The following CSMD1 variants were observed in gnomAD, a reference collection of about 807,000 sequenced individuals.
CSMD1 encodes CUB and sushi domain-containing protein 1.
CSMD1 carries 213 observed loss-of-function variants against 417.5 expected under a neutral mutation model. That is an observed-to-expected ratio of 0.51 (90% CI 0.46 to 0.57). The LOEUF (loss-of-function observed/expected upper bound fraction) is 0.57, where lower values mean the gene tolerates loss of function less well. CSMD1 is among the 20% of genes least tolerant of loss of function. The probability of loss-of-function intolerance (pLI) is 0.00; values close to 1 mark genes in which losing one functional copy is unlikely to be tolerated. For synonymous variants in CSMD1, 2,862 were observed against 1,736.8 expected (o/e 1.65, Z -16.11); for missense variants, 6,923 against 4,529.7 (o/e 1.53, Z -15.17).
At chr8:4,317,052 A>G (rs777107143) in intron 3 of CSMD1, among the ~76,000 whole-genome samples, 1 of 152,192 alleles carries the variant, frequency 6.6e-6, no homozygotes, top group Non-Finnish European at 1.5e-5. Context: ...CTGAAAACAT[A>G]CAAGCCCTGT....
intron 3 of CSMD1, among the ~76,000 whole-genome samples, chr8:4,369,113 T>G (rs1802257367): frequency 6.6e-6 from 1 of 152,100 alleles, no homozygotes; most frequent in South Asian, 2.1e-4. Flanking sequence ...TAACACTGAT[T>G]TAGCTGTTTC....
chr8:3,314,327 T>C (rs1245588841), intron 23 of CSMD1, among the ~76,000 whole-genome samples: 1 of 152,198 alleles, frequency 6.6e-6, no homozygotes, highest in East Asian at 1.9e-4. Context: ...ATAGAGATAT[T>C]TCCATTTTAA....
At chr8:2,970,300 A>G (rs1473235225) in intron 57 of CSMD1, among the ~76,000 whole-genome samples, 2 of 152,296 alleles carry the variant, frequency 1.3e-5, no homozygotes, top group African/African-American at 4.8e-5. Context: ...AAGTTTTCAA[A>G]ACTGAAATAC....
At chr8:3,662,376 C>G (rs1468879766) in intron 7 of CSMD1, among the ~76,000 whole-genome samples, 1 of 152,210 alleles carries the variant, frequency 6.6e-6, no homozygotes, top group Non-Finnish European at 1.5e-5. Flanking sequence ...CTTTCCATCT[C>G]TCCCTAACTT....
At chr8:4,256,101 A>G (rs901716907) in intron 3 of CSMD1, among the ~76,000 whole-genome samples, 4 of 152,212 alleles carry the variant, frequency 2.6e-5, no homozygotes, top group African/African-American at 9.7e-5. Flanking sequence ...ATCCCAGACT[A>G]CTTTGCTCCC....
At chr8:4,758,441 A>G (rs1811812916) in intron 1 of CSMD1, among the ~76,000 whole-genome samples, 1 of 152,190 alleles carries the variant, frequency 6.6e-6, no homozygotes, top group Non-Finnish European at 1.5e-5. Flanking sequence ...TAAAGGTGAC[A>G]TAAAGGAAGC....
At chr8:3,411,838 G>A (rs562677064) in intron 12 of CSMD1, among the ~76,000 whole-genome samples, 1 of 87,360 alleles carries the variant, frequency 1.1e-5, no homozygotes, top group South Asian at 3.6e-4. Flanking sequence ...ATATATGCAC[G>A]TATATATGCA....
At chr8:4,436,495 G>T (rs572321327) in intron 2 of CSMD1, among the ~76,000 whole-genome samples, 2 of 152,036 alleles carry the variant, frequency 1.3e-5, no homozygotes, top group African/African-American at 2.4e-5. Flanking sequence ...AGGTTGAGGG[G>T]TATCTCTCCT....
At chr8:4,454,905 G>A (rs777876649) in intron 2 of CSMD1, among the ~76,000 whole-genome samples, 3 of 152,106 alleles carry the variant, frequency 2.0e-5, no homozygotes, top group Non-Finnish European at 4.4e-5. Context: ...TACAGAAACT[G>A]AAGTCTTACA....
At chr8:3,991,524 C>T (rs541892843) in intron 5 of CSMD1, among the ~76,000 whole-genome samples, 19 of 152,272 alleles carry the variant, frequency 1.2e-4, no homozygotes, top group African/African-American at 3.9e-4. Context: ...AGCAAGTATG[C>T]TAAGATGATT....
At chr8:4,511,929 T>G (rs757054168) in intron 2 of CSMD1, among the ~76,000 whole-genome samples, 47 of 152,158 alleles carry the variant, frequency 3.1e-4, no homozygotes, top group Non-Finnish European at 5.6e-4. Context: ...CATTTCATTC[T>G]TCCTAACAAG....
chr8:3,909,912 G>A (rs994701780), intron 5 of CSMD1, among the ~76,000 whole-genome samples: 1 of 152,198 alleles, frequency 6.6e-6, no homozygotes, highest in African/African-American at 2.4e-5. Context: ...TATTAAAGCT[G>A]CTTGGACTCT....
chr8:3,586,351 G>A (rs985043118), intron 8 of CSMD1, 91 bp from the exon 9 acceptor site: 18 of 1,274,484 alleles, frequency 1.4e-5, no homozygotes, highest in African/African-American at 1.2e-4. Context: ...TGGCTGCTAC[G>A]ATCTTGTTCA....
At chr8:4,929,420 G>C (rs1026813036) in intron 1 of CSMD1, among the ~76,000 whole-genome samples, 2 of 152,146 alleles carry the variant, frequency 1.3e-5, no homozygotes, top group African/African-American at 4.8e-5. Context: ...TCAAGAAATA[G>C]GCATTTCTAT....
chr8:3,640,700 T>G (rs1797262833), intron 7 of CSMD1, among the ~76,000 whole-genome samples: 1 of 152,218 alleles, frequency 6.6e-6, no homozygotes, highest in African/African-American at 2.4e-5. Flanking sequence ...AGTGTGTGTC[T>G]ATAAACCAGT....
intron 12 of CSMD1, among the ~76,000 whole-genome samples, chr8:3,441,915 C>G (rs1263108139): frequency 6.6e-6 from 1 of 151,968 alleles, no homozygotes; most frequent in Non-Finnish European, 1.5e-5. Flanking sequence ...GCATTGAGAT[C>G]ACTGAACATG....
intron 3 of CSMD1, among the ~76,000 whole-genome samples, chr8:4,249,918 G>C (rs1260474560): frequency 6.6e-6 from 1 of 152,136 alleles, no homozygotes; most frequent in Non-Finnish European, 1.5e-5. Flanking sequence ...GGAGCTCCTG[G>C]GAAGTGTTTA....
chr8:4,926,523 G>A (rs1246669384), intron 1 of CSMD1, among the ~76,000 whole-genome samples: 1 of 152,072 alleles, frequency 6.6e-6, no homozygotes, highest in Non-Finnish European at 1.5e-5. Context: ...TATCTTATTT[G>A]TTTTTAATTA....
intron 7 of CSMD1, among the ~76,000 whole-genome samples, chr8:3,651,114 A>G (rs533312220): frequency 6.6e-6 from 1 of 152,220 alleles, no homozygotes; most frequent in Non-Finnish European, 1.5e-5. Flanking sequence ...ACCATCTGTC[A>G]GTATCTTGTC....
Sources: allele counts gnomAD v4.1 joint callset (sites outside exome capture counted in the v4.1 genomes callset), GRCh38; gene constraint gnomAD v4.1.1; transcripts MANE v1.5; gene names NCBI Gene and HGNC (gene_info 2026-07-23, HGNC 2026-07-21).